The following ALPK3 variants were observed in gnomAD, a reference collection of about 807,000 sequenced individuals.
The protein encoded by ALPK3 is alpha-protein kinase 3.
Under a neutral mutation model 140.0 loss-of-function variants are expected in ALPK3, and 102 were observed. That is an observed-to-expected ratio of 0.73 (90% CI 0.62 to 0.86). The LOEUF is 0.86. Ranked by LOEUF, ALPK3 falls within the 40% of genes least tolerant of loss-of-function variation. ALPK3 has a pLI of 0.00. For missense variants in ALPK3, 2,254 were observed against 2,208.2 expected (o/e 1.02, Z -0.42); for synonymous variants, 938 against 898.5 (o/e 1.04, Z -0.79).
chr15:84,867,976 A>G, intron 13 of ALPK3, 135 bp from the exon 14 acceptor site: 1 of 873,930 alleles, frequency 1.1e-6, no homozygotes, highest in South Asian at 1.7e-5. Flanking sequence ...ACCAAGGGAG[A>G]GTCCCCATCA....
At position 84,857,238 on chromosome 15, in the gene ALPK3, A is replaced by G. The variant is rs61747876; in HGVS notation, c.2500A>G (p.Ser834Gly). ...CCCAGTCGAGGCCAAGCAGGAGGAC[A>G]GCCCGTTCCAGTGCCCCAAGGAGGA... ...SGPVEAKQED[S>G]PFQCPKEERP... The change falls in exon 6 of 14, where the codon AGC (serine) becomes GGC (glycine). Residue 834 changes from serine (S) to glycine (G), a missense_variant. Around this residue, in one of 3 missense-constraint regions of ALPK3, gnomAD observed 2,088 missense variants for 2,022.9 expected, o/e 1.03. Transcript: ENST00000258888. 1 of 1,614,002 alleles carries G rather than the reference A, an allele frequency of 6.2e-7. No individual in the cohort carries two copies.
At chr15:84,841,705 C>T (rs1963669396) in intron 5 of ALPK3, among the ~76,000 whole-genome samples, 1 of 152,042 alleles carries the variant, frequency 6.6e-6, no homozygotes, top group Non-Finnish European at 1.5e-5. Context: ...AGTGTCCACT[C>T]CCCAAAGAGG....
chr15:84,864,574 T>A lies in ALPK3; in HGVS notation c.4632T>A (p.Ser1544=), dbSNP rs1963983619. Residue 1544 remains serine, a synonymous_variant, in exon 12 of 14, where the codon TCT becomes TCA. Transcript: ENST00000258888. ...GCTGTGCTGAGGCTCCGACAGCATCTGGCAGCTCTGAGGCCATGCAGAAAT... is the reference window on the plus strand; with the variant it reads ...GCTGTGCTGAGGCTCCGACAGCATCAGGCAGCTCTGAGGCCATGCAGAAAT... ...EWGCAEAPTA[S]GSSEAMQKCQ... is the part of the protein sequence containing the mutation. 1 of 1,614,240 alleles carries A rather than the reference T, an allele frequency of 6.2e-7. No individual in the cohort carries two copies. Among genetic ancestry groups the A allele is most frequent in the African/African-American group, 1.3e-5 (1 of 75,064 alleles).
Position 84,862,189 on chromosome 15 carries a change from G to T in ALPK3, c.4130-446G>T, listed in dbSNP as rs909987901. Among the ~76,000 whole-genome samples, 9 of 152,228 alleles carry T rather than the reference G, an allele frequency of 5.9e-5. No individual in the cohort carries two copies. In the South Asian group the frequency reaches 1.0e-3, roughly 18 times the overall value. Reference sequence around the variant, plus strand: ...TAGGGGTGCTCATTGCTGCTGGATTGGTCCTGCAAACTTTTTGTTTCAGTC... The same window carrying T: ...TAGGGGTGCTCATTGCTGCTGGATTTGTCCTGCAAACTTTTTGTTTCAGTC... On this transcript the variant is annotated intron_variant, in intron 9 of 13. Transcript: ENST00000258888.
At position 84,858,259 on chromosome 15, in the gene ALPK3, C is replaced by A. The variant is rs541005940; in HGVS notation, c.3521C>A (p.Ala1174Glu). 18 of 1,600,772 alleles carry A rather than the reference C, an allele frequency of 1.1e-5. No homozygotes were observed. The East Asian group carries it at 3.6e-4, about 32-fold the overall frequency. Residue 1174 changes from alanine (A) to glutamate (E), a missense_variant, in exon 6 of 14, where the codon GCA becomes GAA. By Grantham distance (107) the Ala-to-Glu change is moderately radical. Coordinates refer to ENST00000258888, the MANE Select transcript of ALPK3 (RefSeq NM_020778.5). ...AAGAGATTTCTCCCTAAGGTCAGAG[C>A]AGCAGGAGACGGGGAGGCAACCACA... ...RRKRFLPKVR[A>E]AGDGEATTPE... is the part of the protein sequence containing the mutation.
intron 3 of ALPK3, among the ~76,000 whole-genome samples, chr15:84,828,908 G>C (rs1963516844): frequency 6.6e-6 from 1 of 152,194 alleles, no homozygotes; most frequent in South Asian, 2.1e-4. Flanking sequence ...CTGTGTTACT[G>C]TGGCACTTAC....
intron 1 of ALPK3, 50 bp downstream of exon 1, chr15:84,817,645 A>G (rs1963376652): frequency 1.4e-6 from 2 of 1,455,140 alleles, no homozygotes; most frequent in Non-Finnish European, 1.8e-6. Flanking sequence ...ATGCCCTGGG[A>G]TCAGTCCCTG....
intron 9 of ALPK3, 98 bp from the exon 10 acceptor site, chr15:84,862,537 C>A: frequency 7.0e-7 from 1 of 1,433,458 alleles, no homozygotes; most frequent in Non-Finnish European, 9.4e-7. Context: ...AGCAGGTTGG[C>A]AGGGTGGGAG....
intron 12 of ALPK3, among the ~76,000 whole-genome samples, chr15:84,866,405 C>G (rs1163023375): frequency 6.6e-6 from 1 of 152,202 alleles, no homozygotes; most frequent in African/African-American, 2.4e-5. Flanking sequence ...GTACCCACAG[C>G]TCAGAAGTGG....
chr15:84,863,412 G>C (rs933126519), intron 10 of ALPK3, 140 bp from the exon 11 acceptor site: 15 of 668,468 alleles, frequency 2.2e-5, no homozygotes, highest in Admixed American at 6.0e-5. Flanking sequence ...GGAGCAGGGA[G>C]GAGTAAGCCC....
intron 5 of ALPK3, among the ~76,000 whole-genome samples, chr15:84,852,918 T>C (rs1167999105): frequency 2.0e-5 from 3 of 152,176 alleles, no homozygotes; most frequent in Admixed American, 1.3e-4. Context: ...GGATACCAAT[T>C]AGGAGGCTTT....
At chr15:84,866,078 T>G (rs937022040) in intron 12 of ALPK3, among the ~76,000 whole-genome samples, 1 of 152,224 alleles carries the variant, frequency 6.6e-6, no homozygotes, top group Non-Finnish European at 1.5e-5. Context: ...CAGTTTCCTT[T>G]CCCTTTCTAG....
chr15:84,842,376 A>T (rs1199765488), intron 5 of ALPK3, among the ~76,000 whole-genome samples: 3 of 152,248 alleles, frequency 2.0e-5, no homozygotes, highest in Non-Finnish European at 4.4e-5. Flanking sequence ...AAGTGGAGAC[A>T]TCCTCTGGTT....
At chr15:84,827,350 A>T in intron 2 of ALPK3, 134 bp from the exon 3 acceptor site, 1 of 1,311,874 alleles carries the variant, frequency 7.6e-7, no homozygotes, top group Non-Finnish European at 1.1e-6. Context: ...TTGAAGAAAG[A>T]CTTGCCGGGG....
At position 84,827,479 on chromosome 15, in the gene ALPK3, C is replaced by T. The variant is rs758923137; in HGVS notation, c.183-5C>T. The T allele has an allele frequency of 1.4e-4, 220 of 1,613,978 alleles. No homozygotes were observed. Among genetic ancestry groups the T allele is most frequent in the Non-Finnish European group, 1.8e-4 (209 of 1,180,050 alleles). Reference sequence around the variant, plus strand: ...CAGCTCTGAATAGCTCTTTGCCTCTCTTAGGAGCACCTTCTGCTCCATCAT... The same window carrying T: ...CAGCTCTGAATAGCTCTTTGCCTCTTTTAGGAGCACCTTCTGCTCCATCAT... On this transcript the variant is annotated splice_polypyrimidine_tract_variant and splice_region_variant and intron_variant, in intron 2 of 13. Transcript: ENST00000258888.
chr15:84,837,170 CAGAG>C lies in ALPK3; in HGVS notation c.305-1807_305-1804del, dbSNP rs554514502. On this transcript the variant is annotated intron_variant, in intron 3 of 13. Coordinates refer to ENST00000258888, the MANE Select transcript of ALPK3 (RefSeq NM_020778.5). ...TCTTTCAAAGAATTTTTCTGTAAAG[CAGAG>C]AGCAGAGAAATGAGAGCAGGGGCTG... Among the ~76,000 whole-genome samples, 442 of 152,222 alleles carry C rather than the reference CAGAG, an allele frequency of 2.9e-3. 4 individuals are homozygous for C. The highest frequency in any genetic ancestry group is 0.01 in the African/African-American group (424 of 41,534).
In ALPK3 at chr15:84,857,041, A is replaced by T; in HGVS notation, c.2303A>T (p.Lys768Ile). Residue 768 changes from lysine to isoleucine, a missense_variant, in exon 6 of 14, where the codon AAA (lysine) becomes ATA (isoleucine). Around this residue, in one of 3 missense-constraint regions of ALPK3, gnomAD observed 2,088 missense variants for 2,022.9 expected, o/e 1.03. Transcript: ENST00000258888. ...QTPEGSCFPK[K>I]PGCLPRSEEA... ...CCAGAAGGGTCTTGTTTCCCAAAAA[A>T]ACCTGGTTGCCTGCCCAGATCTGAG... 1 of 1,614,198 alleles carries T rather than the reference A, an allele frequency of 6.2e-7. No individual in the cohort carries two copies.
chr15:84,830,416 G>A (rs1272204647), intron 3 of ALPK3, among the ~76,000 whole-genome samples: 1 of 152,168 alleles, frequency 6.6e-6, no homozygotes, highest in African/African-American at 2.4e-5. Flanking sequence ...GGTTTCATCA[G>A]GTCCTGAAGA....
intron 5 of ALPK3, among the ~76,000 whole-genome samples, chr15:84,844,438 A>G (rs1963705612): frequency 6.6e-6 from 1 of 152,216 alleles, no homozygotes; most frequent in South Asian, 2.1e-4. Context: ...AAATTGGCCC[A>G]CAGGTTTCCA....
Sources: allele counts gnomAD v4.1 joint callset (sites outside exome capture counted in the v4.1 genomes callset), GRCh38; gene constraint gnomAD v4.1.1; regional missense constraint gnomAD v4.1.1; transcripts MANE v1.5; gene names NCBI Gene and HGNC (gene_info 2026-07-23, HGNC 2026-07-21).